Variants in MAST4 observed in about 807,000 individuals in gnomAD.
MAST4 encodes microtubule associated serine/threonine kinase family member 4, also known as microtubule-associated serine/threonine-protein kinase 4.
A neutral mutation model predicts 162.7 loss-of-function variants in MAST4; 89 were observed. The observed-to-expected ratio is 0.55, with a 90% CI of 0.46 to 0.65. MAST4 has a LOEUF of 0.65. Among genes scored for constraint, MAST4 ranks in the 30% least tolerant of loss-of-function variants. MAST4 has a pLI of 0.00. For missense variants in MAST4, 3,153 were observed against 3,374.0 expected (o/e 0.93, Z 1.62); for synonymous variants, 1,479 against 1,361.1 (o/e 1.09, Z -1.91).
chr5:67,097,605 C>T (rs762443904), intron 7 of MAST4, among the ~76,000 whole-genome samples: 1 of 152,070 alleles, frequency 6.6e-6, no homozygotes, highest in Non-Finnish European at 1.5e-5. Context: ...TATGTGCCTA[C>T]GGAAGACACC....
chr5:66,935,602 C>A (rs960230385), intron 4 of MAST4, among the ~76,000 whole-genome samples: 1 of 152,048 alleles, frequency 6.6e-6, no homozygotes, highest in Non-Finnish European at 1.5e-5. Flanking sequence ...CTGCATTTGC[C>A]ACCATTGTTC....
At chr5:67,053,657 TA>T (rs1200538723) in intron 4 of MAST4, among the ~76,000 whole-genome samples, 1 of 152,240 alleles carries the variant, frequency 6.6e-6, no homozygotes, top group Non-Finnish European at 1.5e-5. Context: ...TTTTGAAAGT[TA>T]CTTTGAAATC....
intron 1 of MAST4, among the ~76,000 whole-genome samples, chr5:66,602,425 C>CTTAA (rs1388351929): frequency 6.6e-6 from 1 of 152,122 alleles, no homozygotes; most frequent in African/African-American, 2.4e-5. Flanking sequence ...ATGTCAAATA[C>CTTAA]TTAACATTTT....
chr5:66,836,748 A>G (rs1159012689), intron 3 of MAST4, among the ~76,000 whole-genome samples: 1 of 152,112 alleles, frequency 6.6e-6, no homozygotes, highest in Non-Finnish European at 1.5e-5. Context: ...AACACTGAGT[A>G]CCCGTGGACA....
At chr5:66,871,230 T>C (rs1185964770) in intron 3 of MAST4, among the ~76,000 whole-genome samples, 1 of 152,214 alleles carries the variant, frequency 6.6e-6, no homozygotes, top group Non-Finnish European at 1.5e-5. Flanking sequence ...ATAAATACAA[T>C]TGATGTAAAC....
chr5:67,078,957 T>A (rs1331669638), intron 5 of MAST4, among the ~76,000 whole-genome samples: 1 of 113,350 alleles, frequency 8.8e-6, no homozygotes, highest in Non-Finnish European at 1.7e-5. Flanking sequence ...TATATGGCAA[T>A]CTGATGTTAT....
intron 5 of MAST4, among the ~76,000 whole-genome samples, chr5:67,082,301 A>G (rs1431526257): frequency 1.3e-5 from 2 of 152,112 alleles, no homozygotes; most frequent in Admixed American, 1.3e-4. Context: ...GGCACACGCC[A>G]CCACGCCCAG....
At chr5:66,870,992 T>A (rs1286709466) in intron 3 of MAST4, 2 of 371,352 alleles carry the variant, frequency 5.4e-6, no homozygotes, top group Non-Finnish European at 5.4e-6. Flanking sequence ...CAAAGTCTTC[T>A]CTATTAAATC....
intron 4 of MAST4, among the ~76,000 whole-genome samples, chr5:66,919,006 GA>G (rs748422249): frequency 6.6e-6 from 1 of 151,956 alleles, no homozygotes; most frequent in East Asian, 1.9e-4. Context: ...GGGAGGCTGA[GA>G]TGGGAGAATT....
At chr5:66,771,099 G>A (rs1047950314) in intron 2 of MAST4, among the ~76,000 whole-genome samples, 2 of 152,214 alleles carry the variant, frequency 1.3e-5, no homozygotes, top group Admixed American at 6.5e-5. Context: ...ATGCACCAGA[G>A]AGGAGGATGT....
At chr5:66,673,099 G>A (rs2149475259) in intron 1 of MAST4, among the ~76,000 whole-genome samples, 1 of 152,170 alleles carries the variant, frequency 6.6e-6, no homozygotes, top group African/African-American at 2.4e-5. Context: ...TTTCTCTTCA[G>A]TACATTGCCT....
In MAST4 at chr5:67,165,763, G is replaced by C; in HGVS notation, c.6584G>C (p.Arg2195Pro). 1 of 1,597,908 alleles carries C rather than the reference G, an allele frequency of 6.3e-7. No individual in the cohort carries two copies. The highest frequency in any genetic ancestry group is 8.5e-7 in the Non-Finnish European group (1 of 1,172,666). Residue 2195 changes from arginine to proline, a missense_variant, in exon 29 of 29, where the codon CGG becomes CCG. Physicochemically the swap from Arg to Pro is moderately radical, Grantham distance 103. This residue lies in a region of MAST4 where 1,644 missense variants were observed against 1,495.0 expected (regional missense o/e 1.10). Transcript: ENST00000403625. ...AHSESSSHKP[R>P]PGPDPGPPKT... ...AGTGAAAGCAGCAGCCACAAGCCCC[G>C]GCCTGGCCCTGACCCGGGCCCTCCA...
rs1295188 is a variant in MAST4 at position 67,055,202 on chromosome 5, G to C, written c.763+710G>C. Among the ~76,000 whole-genome samples the C allele has an allele frequency of 1.4e-4, 22 of 152,254 alleles. 1 individual carries two copies. In the East Asian group the frequency reaches 4.2e-3, roughly 29 times the overall value. ...CAGTGTATGGCTAGAGTGTGGGGAT[G>C]TGTGTACTTCATTAAGAGAACATAA... On this transcript the variant is annotated intron_variant, in intron 5 of 28. Transcript: ENST00000403625.
intron 14 of MAST4, among the ~76,000 whole-genome samples, chr5:67,122,484 T>A (rs558233536): frequency 1.3e-5 from 2 of 152,250 alleles, no homozygotes; most frequent in Non-Finnish European, 1.5e-5. Context: ...AAGGACCTCA[T>A]TGAAACTTTT....
chr5:66,780,417 G>A (rs1754806958), intron 2 of MAST4, among the ~76,000 whole-genome samples: 2 of 152,178 alleles, frequency 1.3e-5, no homozygotes, highest in African/African-American at 2.4e-5. Flanking sequence ...TAAAGATGGT[G>A]TGTCCGGAGT....
chr5:66,641,327 AT>A (rs1745476521), intron 1 of MAST4, among the ~76,000 whole-genome samples: 1 of 151,904 alleles, frequency 6.6e-6, no homozygotes, highest in Admixed American at 6.6e-5. Flanking sequence ...AATTTTTTGT[AT>A]TTTATTTTTA....
intron 1 of MAST4, among the ~76,000 whole-genome samples, chr5:66,636,349 A>G (rs1227254128): frequency 6.6e-6 from 1 of 152,188 alleles, no homozygotes; most frequent in Non-Finnish European, 1.5e-5. Flanking sequence ...GGAGATGGCA[A>G]TGTAACAAGT....
At chr5:66,606,146 A>G (rs1742868784) in intron 1 of MAST4, among the ~76,000 whole-genome samples, 1 of 152,094 alleles carries the variant, frequency 6.6e-6, no homozygotes, top group South Asian at 2.1e-4. Flanking sequence ...TTTTATCATC[A>G]GACCTTTAAA....
intron 11 of MAST4, among the ~76,000 whole-genome samples, chr5:67,110,462 T>C (rs1433708852): frequency 6.6e-6 from 1 of 152,250 alleles, no homozygotes; most frequent in Non-Finnish European, 1.5e-5. Flanking sequence ...AATAATGTAC[T>C]TGACCTTATC....
Sources: allele counts gnomAD v4.1 joint callset (sites outside exome capture counted in the v4.1 genomes callset), GRCh38; gene constraint gnomAD v4.1.1; regional missense constraint gnomAD v4.1.1; transcripts MANE v1.5; gene names NCBI Gene and HGNC (gene_info 2026-07-23, HGNC 2026-07-21).